Variants in WWOX observed in about 807,000 individuals in gnomAD.
WWOX encodes the protein WW domain-containing oxidoreductase.
WWOX carries 69 observed loss-of-function variants against 46.2 expected under a neutral mutation model. That is an observed-to-expected ratio of 1.49 (90% CI 1.23 to 1.82). The LOEUF is 1.82. WWOX is among the 40% of genes most tolerant of loss of function. The pLI, the probability that WWOX is intolerant of heterozygous loss-of-function variation, is 0.00. For synonymous variants in WWOX, 359 were observed against 202.6 expected, an observed-to-expected ratio of 1.77 and a Z score of -6.56; for missense variants, 919 against 542.6, an observed-to-expected ratio of 1.69 and a Z score of -6.89.
chr16:78,950,717 G>C (rs769241996), intron 8 of WWOX, among the ~76,000 whole-genome samples: 2 of 152,194 alleles, frequency 1.3e-5, no homozygotes, highest in Non-Finnish European at 2.9e-5. Flanking sequence ...GTTTCTCTTA[G>C]ACACTCACGG....
At chr16:78,415,567 C>T (rs1342469229) in intron 6 of WWOX, among the ~76,000 whole-genome samples, 1 of 152,118 alleles carries the variant, frequency 6.6e-6, no homozygotes. Flanking sequence ...ACCTCTGAGA[C>T]TAAGGACAAG....
intron 7 of WWOX, among the ~76,000 whole-genome samples, chr16:78,426,436 C>T (rs143812342): frequency 4.6e-5 from 7 of 152,236 alleles, no homozygotes; most frequent in African/African-American, 1.7e-4. Context: ...TTTCGTGTGA[C>T]GTCTTTGTTC....
At chr16:78,232,388 C>T (rs1395813769) in intron 5 of WWOX, among the ~76,000 whole-genome samples, 4 of 152,120 alleles carry the variant, frequency 2.6e-5, no homozygotes, top group Non-Finnish European at 2.9e-5. Context: ...TTTTTCACTC[C>T]TTTCTTGCTT....
intron 7 of WWOX, among the ~76,000 whole-genome samples, chr16:78,427,051 C>A (rs917129203): frequency 6.6e-6 from 1 of 152,166 alleles, no homozygotes; most frequent in African/African-American, 2.4e-5. Context: ...CCCTTGGCTC[C>A]CATGAGTGAG....
At chr16:79,093,816 G>A (rs543088777) in intron 8 of WWOX, among the ~76,000 whole-genome samples, 3 of 152,280 alleles carry the variant, frequency 2.0e-5, no homozygotes, top group Admixed American at 2.0e-4. Flanking sequence ...TCGACACAGA[G>A]TGACAGGCCT....
intron 8 of WWOX, among the ~76,000 whole-genome samples, chr16:78,741,683 T>C (rs2049231779): frequency 6.6e-6 from 1 of 152,014 alleles, no homozygotes; most frequent in Non-Finnish European, 1.5e-5. Context: ...GGCAAAACCC[T>C]GTCTATACTA....
intron 8 of WWOX, among the ~76,000 whole-genome samples, chr16:78,975,426 G>A (rs1176570683): frequency 1.3e-5 from 2 of 151,648 alleles, no homozygotes; most frequent in Non-Finnish European, 2.9e-5. Flanking sequence ...AACACTGGAG[G>A]TAAGAAACCT....
chr16:79,193,727 C>G (rs2051183179), intron 8 of WWOX, among the ~76,000 whole-genome samples: 1 of 152,196 alleles, frequency 6.6e-6, no homozygotes, highest in African/African-American at 2.4e-5. Context: ...GGAAAGTCCC[C>G]ACTTGGGCAA....
At chr16:78,691,367 G>T in intron 8 of WWOX, 1 of 688,120 alleles carries the variant, frequency 1.5e-6, no homozygotes, top group Non-Finnish European at 2.6e-6. Flanking sequence ...AAAGGTGACA[G>T]AAAGGAAATC....
At chr16:78,404,313 C>G (rs1234657233) in intron 6 of WWOX, among the ~76,000 whole-genome samples, 2 of 152,080 alleles carry the variant, frequency 1.3e-5, no homozygotes, top group Admixed American at 6.5e-5. Flanking sequence ...CAACAAAATT[C>G]TGTTGTATGC....
chr16:78,661,887 AC>A, intron 8 of WWOX, among the ~76,000 whole-genome samples: 1 of 152,302 alleles, frequency 6.6e-6, no homozygotes, highest in East Asian at 1.9e-4. Context: ...TACAAAAAAT[AC>A]AAAAAATCAG....
At chr16:78,727,052 C>T (rs1046655757) in intron 8 of WWOX, among the ~76,000 whole-genome samples, 2 of 152,180 alleles carry the variant, frequency 1.3e-5, no homozygotes, top group South Asian at 2.1e-4. Flanking sequence ...CACGTGGCAT[C>T]GCCAGTCCCA....
chr16:78,791,213 C>T (rs889458041), intron 8 of WWOX, among the ~76,000 whole-genome samples: 2 of 151,936 alleles, frequency 1.3e-5, no homozygotes, highest in African/African-American at 2.4e-5. Context: ...GGTGCCGGGA[C>T]AGGGCGGCCT....
intron 8 of WWOX, among the ~76,000 whole-genome samples, chr16:78,678,302 G>A (rs2047651266): frequency 6.6e-6 from 1 of 152,196 alleles, no homozygotes; most frequent in African/African-American, 2.4e-5. Flanking sequence ...CTTGAGCCCA[G>A]GAGGTCAAGG....
At chr16:78,378,894 G>T (rs1045632570) in intron 5 of WWOX, among the ~76,000 whole-genome samples, 52 of 152,156 alleles carry the variant, frequency 3.4e-4, no homozygotes, top group African/African-American at 1.2e-3. Flanking sequence ...AGAATATATA[G>T]ATGATGTTAA....
chr16:79,094,739 G>A (rs926600467), intron 8 of WWOX, among the ~76,000 whole-genome samples: 5 of 152,208 alleles, frequency 3.3e-5, no homozygotes, highest in Non-Finnish European at 5.9e-5. Flanking sequence ...AACCTGGAAT[G>A]AGGAATAACA....
At chr16:78,385,803 C>G (rs901794330) in intron 5 of WWOX, among the ~76,000 whole-genome samples, 1 of 152,212 alleles carries the variant, frequency 6.6e-6, no homozygotes, top group East Asian at 1.9e-4. Flanking sequence ...TTACGGGACT[C>G]TTCTTATTTG....
At chr16:79,089,771 GTGTT>G (rs1284321132) in intron 8 of WWOX, among the ~76,000 whole-genome samples, 3 of 152,106 alleles carry the variant, frequency 2.0e-5, no homozygotes, top group East Asian at 3.9e-4. Context: ...AAACTTCATA[GTGTT>G]TGTTTGTTTC....
At chr16:78,822,448 T>C (rs774631016) in intron 8 of WWOX, among the ~76,000 whole-genome samples, 5 of 151,736 alleles carry the variant, frequency 3.3e-5, no homozygotes, top group Admixed American at 6.6e-5. Flanking sequence ...CAGCTGAGAC[T>C]GCGCCAGTGT....
Sources: gnomAD v4.1 joint callset for allele counts (sites outside exome capture counted in the v4.1 genomes callset) on GRCh38, gnomAD v4.1.1 for gene constraint, MANE v1.5 for transcripts, NCBI Gene and HGNC (gene_info 2026-07-23, HGNC 2026-07-21) for gene names.